OPA1: variants seen among roughly 807,000 people sequenced by gnomAD.
OPA1 encodes dynamin-like GTPase OPA1, mitochondrial.
OPA1 carries 59 observed loss-of-function variants against 152.9 expected under a neutral mutation model. That is an observed-to-expected ratio of 0.39 (90% confidence interval 0.31 to 0.48). OPA1 has a LOEUF of 0.48. Ranked by LOEUF, OPA1 falls within the 20% of genes least tolerant of loss-of-function variation. The pLI, the probability that OPA1 is intolerant of heterozygous loss-of-function variation, is 0.96. For synonymous variants in OPA1, 400 were observed against 389.9 expected (o/e 1.03, Z -0.31); for missense variants, 1,008 against 1,216.8 (o/e 0.83, Z 2.55).
intron 29 of OPA1, among the ~76,000 whole-genome samples, chr3:193,687,377 T>TAGAAATAGCTATTTCTGTATAGC (rs1721065122): frequency 6.6e-6 from 1 of 152,224 alleles, no homozygotes; most frequent in Non-Finnish European, 1.5e-5. Context: ...TCACTACACG[T>TAGAAATAGCTATTTCTGTATAGC]AGAAATAGCT....
chr3:193,684,090 G>A (rs1378400997), intron 29 of OPA1, among the ~76,000 whole-genome samples: 1 of 152,096 alleles, frequency 6.6e-6, no homozygotes, highest in Non-Finnish European at 1.5e-5. Context: ...TTCTTCGTAC[G>A]CACAACTGAG....
At chr3:193,632,317 TA>T (rs1276617686) in intron 8 of OPA1, among the ~76,000 whole-genome samples, 1 of 151,964 alleles carries the variant, frequency 6.6e-6, no homozygotes, top group Non-Finnish European at 1.5e-5. Flanking sequence ...CCTTCTCTAC[TA>T]AAAATACAAA....
intron 11 of OPA1, among the ~76,000 whole-genome samples, chr3:193,642,225 C>G (rs1271970056): frequency 6.6e-6 from 1 of 152,172 alleles, no homozygotes; most frequent in East Asian, 1.9e-4. Flanking sequence ...CTGTGGCACC[C>G]TAGGTTTTGT....
chr3:193,634,749 G>A (rs761844618), intron 8 of OPA1, among the ~76,000 whole-genome samples: 1 of 152,086 alleles, frequency 6.6e-6, no homozygotes, highest in African/African-American at 2.4e-5. Context: ...CTCTGGACAT[G>A]GAAACATAAC....
intron 8 of OPA1, among the ~76,000 whole-genome samples, chr3:193,633,988 G>A (rs1025492219): frequency 2.6e-5 from 4 of 152,094 alleles, no homozygotes; most frequent in East Asian, 3.9e-4. Context: ...TTATGTATGC[G>A]TTCTTTTAAT....
At chr3:193,621,389 T>C (rs1730046609) in intron 6 of OPA1, among the ~76,000 whole-genome samples, 1 of 152,202 alleles carries the variant, frequency 6.6e-6, no homozygotes, top group South Asian at 2.1e-4. Flanking sequence ...ACCGATAACC[T>C]GTGATTCCCA....
chr3:193,628,265 T>C (rs954698780), intron 7 of OPA1, among the ~76,000 whole-genome samples: 5 of 152,108 alleles, frequency 3.3e-5, no homozygotes, highest in Admixed American at 2.0e-4. Context: ...TAGTAGCAAC[T>C]AATAAATTTT....
intron 25 of OPA1, among the ~76,000 whole-genome samples, chr3:193,661,297 T>G (rs1373691364): frequency 2.6e-5 from 4 of 152,212 alleles, no homozygotes; most frequent in Non-Finnish European, 5.9e-5. Flanking sequence ...GGCCATAATT[T>G]GGAATATAGA....
chr3:193,661,231 C>T (rs900822101), intron 25 of OPA1, among the ~76,000 whole-genome samples: 2 of 152,214 alleles, frequency 1.3e-5, no homozygotes, highest in Admixed American at 1.3e-4. Flanking sequence ...GAAGAGCCTT[C>T]TCCCCACAGG....
intron 23 of OPA1, among the ~76,000 whole-genome samples, chr3:193,658,075 G>A (rs769724211): frequency 6.6e-5 from 10 of 151,856 alleles, no homozygotes; most frequent in Non-Finnish European, 8.8e-5. Context: ...GATAAACCCC[G>A]TCTCTACTAA....
chr3:193,666,046 T>C (rs1412540937), intron 27 of OPA1, among the ~76,000 whole-genome samples: 1 of 152,232 alleles, frequency 6.6e-6, no homozygotes, highest in African/African-American at 2.4e-5. Flanking sequence ...TACTCAAGCT[T>C]ATTTACTTTG....
rs189338858 is a variant in OPA1 at position 193,652,666 on chromosome 3, G to A, written c.2013-2196G>A. Among the ~76,000 whole-genome samples, 351 of 152,242 alleles carry A rather than the reference G, an allele frequency of 2.3e-3. 2 individuals carry two copies. Among genetic ancestry groups the A allele is most frequent in the African/African-American group, 7.4e-3 (308 of 41,550 alleles). On this transcript the variant is annotated intron_variant, in intron 21 of 30. Transcript: ENST00000361510. ...CACTTTCCTTAAGGAAAGGTTTGGAGGTAAGAATAGGGAAAGAGAATGAGA... is the reference window on the plus strand; with the variant it reads ...CACTTTCCTTAAGGAAAGGTTTGGAAGTAAGAATAGGGAAAGAGAATGAGA...
chr3:193,608,710 G>A (rs980176508), intron 1 of OPA1, among the ~76,000 whole-genome samples: 8 of 151,974 alleles, frequency 5.3e-5, no homozygotes, highest in African/African-American at 1.9e-4. Flanking sequence ...CTGTAGATGT[G>A]TATTAGGTCC....
At position 193,643,247 on chromosome 3, in the gene OPA1, A is replaced by C. The variant is rs577186804; in HGVS notation, c.1306-126A>C. 1.1e-5 allele frequency: 10 copies of C among 877,346 alleles called. No homozygotes were observed. In the East Asian group the frequency reaches 2.6e-4, roughly 23 times the overall value. 54.3% of individuals were successfully genotyped at this position (877,346 alleles called of 1,614,324 possible). A position where few individuals can be genotyped will look rare whatever the true frequency, so the allele number is the denominator to read the frequency against. On this transcript the variant is annotated intron_variant, in intron 13 of 30. Coordinates refer to ENST00000361510, the MANE Select transcript of OPA1 (RefSeq NM_130837.3). ...CTTTTAGGATCAGAGAAAGAATACC[A>C]TTTTTGTGAGCGTCTTATCTGAATG... is the stretch of plus-strand genomic sequence containing the variant.
In OPA1 at chr3:193,667,374, A is replaced by T. The variant is rs191145825; in HGVS notation, c.2983+94A>T. 3.8e-6 allele frequency: 3 copies of T among 789,046 alleles called. No individual in the cohort carries two copies. In the East Asian group the frequency reaches 7.8e-5, roughly 21 times the overall value. 48.9% of individuals were successfully genotyped at this position (789,046 alleles called of 1,614,324 possible). The stretch of plus-strand genomic sequence containing the variant: ...CCATTTAATCTCAAACTTACAGAAA[A>T]GTTACAAGGAACTGGGCTGAGCACG... On this transcript the variant is annotated intron_variant, in intron 29 of 30. Transcript: ENST00000361510.
At chr3:193,629,651 A>G (rs1731756316) in intron 7 of OPA1, among the ~76,000 whole-genome samples, 1 of 151,486 alleles carries the variant, frequency 6.6e-6, no homozygotes, top group Admixed American at 6.6e-5. Context: ...AGCCTGGGCG[A>G]CTCCGTCTCA....
intron 29 of OPA1, among the ~76,000 whole-genome samples, chr3:193,676,979 C>CAAAAA (rs151218523): frequency 5.6e-5 from 4 of 70,840 alleles, no homozygotes; most frequent in Admixed American, 1.8e-4. Flanking sequence ...AGACTCGTCT[C>CAAAAA]AAAAAAAAAA....
At position 193,643,956 on chromosome 3, in the gene OPA1, AT is replaced by A; in HGVS notation, c.1478-12del. On this transcript the variant is annotated intron_variant, in intron 15 of 30. Transcript: ENST00000361510. ...TTACATCTTAAAATTCCACAGTGTCATTTTTTTATTTTTTTCAGATGGATCT... is the reference window on the plus strand; with the variant it reads ...TTACATCTTAAAATTCCACAGTGTCATTTTTTATTTTTTTCAGATGGATCT... 1.9e-6 allele frequency: 3 copies of A among 1,612,904 alleles called. No homozygotes were observed. Among genetic ancestry groups the A allele is most frequent in the Non-Finnish European group, 1.7e-6 (2 of 1,179,380 alleles).
chr3:193,661,640 G>A (rs1260827660), intron 25 of OPA1, among the ~76,000 whole-genome samples: 1 of 152,158 alleles, frequency 6.6e-6, no homozygotes, highest in Non-Finnish European at 1.5e-5. Context: ...TGTTTTCTAG[G>A]AAAATTCATC....
Sources: gnomAD v4.1 joint callset for allele counts (sites outside exome capture counted in the v4.1 genomes callset) on GRCh38, gnomAD v4.1.1 for gene constraint, MANE v1.5 for transcripts, NCBI Gene and HGNC (gene_info 2026-07-23, HGNC 2026-07-21) for gene names.